ROBO1: variants seen among roughly 807,000 people sequenced by gnomAD.
ROBO1 encodes the protein roundabout guidance receptor 1.
Under a neutral mutation model 195.9 loss-of-function variants are expected in ROBO1, and 149 were observed. The observed-to-expected ratio is 0.76, with a 90% CI of 0.67 to 0.87. The LOEUF (loss-of-function observed/expected upper bound fraction) is 0.87. ROBO1 is among the 40% of genes least tolerant of loss of function. ROBO1 has a pLI of 0.00. For synonymous variants in ROBO1, 816 were observed against 733.2 expected (o/e 1.11, Z -1.82); for missense variants, 1,933 against 2,068.3 (o/e 0.93, Z 1.27).
chr3:78,898,165 C>A, intron 4 of ROBO1, among the ~76,000 whole-genome samples: 1 of 146,388 alleles, frequency 6.8e-6, no homozygotes, highest in Non-Finnish European at 1.5e-5. Context: ...ATGTTGATTC[C>A]CTTTACAATT....
chr3:79,688,083 G>A (rs1025804417), intron 1 of ROBO1, among the ~76,000 whole-genome samples: 3 of 151,822 alleles, frequency 2.0e-5, no homozygotes, highest in South Asian at 2.1e-4. Context: ...CATGGATGAA[G>A]CTGGAAACCA....
At chr3:79,041,247 C>CT (rs1333647731) in intron 3 of ROBO1, among the ~76,000 whole-genome samples, 3 of 152,188 alleles carry the variant, frequency 2.0e-5, no homozygotes, top group Middle Eastern at 3.4e-3. Context: ...GCTTTCTCCT[C>CT]TTTTTTTATT....
At chr3:79,277,929 A>G (rs2031183644) in intron 2 of ROBO1, among the ~76,000 whole-genome samples, 2 of 152,056 alleles carry the variant, frequency 1.3e-5, no homozygotes, top group Non-Finnish European at 2.9e-5. Context: ...AAAAACCTAA[A>G]GACTCTACCA....
chr3:79,122,586 T>C (rs539625999), intron 3 of ROBO1, among the ~76,000 whole-genome samples: 1 of 152,032 alleles, frequency 6.6e-6, no homozygotes, highest in Admixed American at 6.6e-5. Context: ...CATTAGTGGA[T>C]ATATAGATTT....
chr3:79,085,623 C>A (rs2079353783), intron 3 of ROBO1, among the ~76,000 whole-genome samples: 1 of 152,116 alleles, frequency 6.6e-6, no homozygotes, highest in Non-Finnish European at 1.5e-5. Flanking sequence ...CCTGTCACTG[C>A]CACAATTTTT....
Position 79,589,891 on chromosome 3 carries a change from A to C in ROBO1, c.21T>G (p.Pro7=), listed in dbSNP as rs748732397. The C allele has an allele frequency of 6.2e-7, 1 of 1,610,830 alleles. No homozygotes were observed. The highest frequency in any genetic ancestry group is 1.1e-5 in the South Asian group (1 of 90,938). ...TGAGGAGTGATATCATGACCAAAAA[A>C]GGAACATGTTTCCATTTCATCTTTG... MKWKHV[P]FLVMISLLSL... Residue 7 remains proline, a synonymous_variant, in exon 2 of 31, where the codon CCT becomes CCG. Transcript: ENST00000464233.
intron 3 of ROBO1, among the ~76,000 whole-genome samples, chr3:79,017,834 T>C (rs763794608): frequency 1.4e-4 from 22 of 152,298 alleles, no homozygotes; most frequent in East Asian, 3.9e-4. Context: ...GGCTATTTTA[T>C]ATCCTACCTT....
rs183073767 is a variant in ROBO1, at chr3:79,391,294, A to G, written c.88+198530T>C. 2.9e-3 allele frequency among the ~76,000 whole-genome samples: 434 copies of G among 152,238 alleles called. 2 individuals are homozygous for G. The highest frequency in any genetic ancestry group is 9.0e-3 in the African/African-American group (376 of 41,550). On this transcript the variant is annotated intron_variant, in intron 2 of 30. Coordinates refer to ENST00000464233, the MANE Select transcript of ROBO1 (RefSeq NM_002941.4). ...GGCAACAGACTGAGACTCCATCTCAAATAAAACAAAAAACAAAACCATAAA... is the reference window on the plus strand; with the variant it reads ...GGCAACAGACTGAGACTCCATCTCAGATAAAACAAAAAACAAAACCATAAA...
At chr3:78,714,361 T>C in intron 8 of ROBO1, 36 bp downstream of exon 8, 1 of 1,597,852 alleles carries the variant, frequency 6.3e-7, no homozygotes, top group Non-Finnish European at 8.5e-7. Flanking sequence ...TTTTGTATGC[T>C]AAAACCACCA....
At chr3:79,490,836 C>T (rs1044993629) in intron 2 of ROBO1, among the ~76,000 whole-genome samples, 1 of 152,128 alleles carries the variant, frequency 6.6e-6, no homozygotes, top group African/African-American at 2.4e-5. Context: ...GGGATTTTAG[C>T]TGAGACCTTC....
At position 79,391,121 on chromosome 3, in the gene ROBO1, C is replaced by A. The variant is rs62259742; in HGVS notation, c.88+198703G>T. On this transcript the variant is annotated intron_variant, in intron 2 of 30. Transcript: ENST00000464233. ...GTAATATAGCAGGACCCTGTCTCTA[C>A]CAAAAAAAAAAAAAAAAAAAATTTG... Among the ~76,000 whole-genome samples the A allele has an allele frequency of 4.2e-3, 564 of 133,564 alleles. 1 individual carries two copies. Among genetic ancestry groups the A allele is most frequent in the Middle Eastern group, 0.019 (5 of 266 alleles). 87.6% of individuals were successfully genotyped at this position (133,564 alleles called of 152,430 possible).
intron 2 of ROBO1, among the ~76,000 whole-genome samples, chr3:79,316,032 C>T (rs2033715883): frequency 6.6e-6 from 1 of 152,160 alleles, no homozygotes; most frequent in Non-Finnish European, 1.5e-5. Flanking sequence ...GCAATTCTAA[C>T]CTCAATAGGG....
At chr3:79,732,248 T>C (rs1703183087) in intron 1 of ROBO1, among the ~76,000 whole-genome samples, 1 of 151,988 alleles carries the variant, frequency 6.6e-6, no homozygotes, top group African/African-American at 2.4e-5. Flanking sequence ...AGTCAAGTGT[T>C]GATAAAAATA....
At chr3:79,529,856 T>C (rs1416904683) in intron 2 of ROBO1, among the ~76,000 whole-genome samples, 2 of 152,350 alleles carry the variant, frequency 1.3e-5, no homozygotes, top group Admixed American at 1.3e-4. Context: ...ATGTATTGTT[T>C]AATTAGAATG....
chr3:79,537,127 T>A (rs1295511379), intron 2 of ROBO1, among the ~76,000 whole-genome samples: 1 of 151,192 alleles, frequency 6.6e-6, no homozygotes, highest in East Asian at 1.9e-4. Context: ...TTTTTTTGAC[T>A]CAACACTTTT....
At chr3:78,744,637 T>C (rs1359002541) in intron 5 of ROBO1, among the ~76,000 whole-genome samples, 2 of 152,212 alleles carry the variant, frequency 1.3e-5, no homozygotes, top group Non-Finnish European at 2.9e-5. Context: ...AGGGTTTTTC[T>C]ATTTAATATT....
chr3:79,636,945 A>C (rs1285085369), intron 1 of ROBO1, among the ~76,000 whole-genome samples: 1 of 152,226 alleles, frequency 6.6e-6, no homozygotes, highest in African/African-American at 2.4e-5. Context: ...TTATCTTCTT[A>C]TGAAAAATTT....
In ROBO1 at chr3:79,102,702, G is replaced by GACT. The variant is rs370633461; in HGVS notation, c.172+22751_172+22753dup. 1.5e-4 allele frequency among the ~76,000 whole-genome samples: 23 copies of GACT among 151,930 alleles called. 1 individual carries two copies. Among genetic ancestry groups the GACT allele is most frequent in the African/African-American group, 5.3e-4 (22 of 41,508 alleles). On this transcript the variant is annotated intron_variant, in intron 3 of 30. Coordinates refer to ENST00000464233, the MANE Select transcript of ROBO1 (RefSeq NM_002941.4). The stretch of plus-strand genomic sequence containing the variant: ...TTTTTACTTCACTTGGACAGAACTT[G>GACT]ACTATGCTTGGGACTCATTACTGAA...
chr3:79,356,001 T>A (rs1476709332), intron 2 of ROBO1, among the ~76,000 whole-genome samples: 1 of 152,202 alleles, frequency 6.6e-6, no homozygotes, highest in Non-Finnish European at 1.5e-5. Flanking sequence ...TTTTTACGCT[T>A]AAAAACTCAA....
Sources: gnomAD v4.1 joint callset for allele counts (sites outside exome capture counted in the v4.1 genomes callset) on GRCh38, gnomAD v4.1.1 for gene constraint, MANE v1.5 for transcripts, NCBI Gene and HGNC (gene_info 2026-07-23, HGNC 2026-07-21) for gene names.